Variants in RIMS3 observed in about 807,000 individuals in gnomAD.
RIMS3 encodes the protein regulating synaptic membrane exocytosis 3.
Under a neutral mutation model 29.2 loss-of-function variants are expected in RIMS3, and 15 were observed. The ratio of observed to expected loss-of-function variants is 0.51; its 90% CI spans 0.34 to 0.79. The LOEUF (loss-of-function observed/expected upper bound fraction) is 0.79, where lower values mean the gene tolerates loss of function less well. Among genes scored for constraint, RIMS3 ranks in the 30% least tolerant of loss-of-function variants. The probability of loss-of-function intolerance (pLI) is 0.01; values close to 1 mark genes in which losing one functional copy is unlikely to be tolerated. For synonymous variants in RIMS3, 161 were observed against 170.1 expected (o/e 0.95, Z 0.41); for missense variants, 342 against 421.4 (o/e 0.81, Z 1.65).
chr1:40,684,102 G>A, the RIMS3 span, among the ~76,000 whole-genome samples: 26 of 152,330 alleles, frequency 1.7e-4, no homozygotes, highest in African/African-American at 6.3e-4. Context: ...TTGAGCCTAA[G>A]AATCTAGTCA....
chr1:40,670,652 G>C (rs1403091115), upstream of RIMS3, among the ~76,000 whole-genome samples: 1 of 140,008 alleles, frequency 7.1e-6, no homozygotes, highest in African/African-American at 2.7e-5. Flanking sequence ...GCAGTGGCGT[G>C]ATCTCTGCTC....
chr1:40,689,373 C>A, the RIMS3 span, among the ~76,000 whole-genome samples: 15 of 152,228 alleles, frequency 9.9e-5, no homozygotes, highest in African/African-American at 3.6e-4. Context: ...CCTCCAACTC[C>A]CTGGTTAAAG....
intron 3 of RIMS3, among the ~76,000 whole-genome samples, chr1:40,638,853 G>A (rs1398934971): frequency 6.6e-6 from 1 of 152,202 alleles, no homozygotes; most frequent in Admixed American, 6.5e-5. Flanking sequence ...GGAAACTGAG[G>A]CCCAGCGGAA....
intron 2 of RIMS3, among the ~76,000 whole-genome samples, chr1:40,643,281 G>A (rs1330826791): frequency 1.3e-5 from 2 of 151,864 alleles, no homozygotes; most frequent in Non-Finnish European, 2.9e-5. Context: ...ACAGGCGCCC[G>A]CCACCAAGCC....
rs1646433365 is a variant in RIMS3 at position 40,623,225 on chromosome 1, T to C, written c.*3292A>G. 2.5e-6 allele frequency: 1 copy of C among 394,306 alleles called. No homozygotes were observed. Among genetic ancestry groups the C allele is most frequent in the Non-Finnish European group, 4.5e-6 (1 of 223,954 alleles). The allele number at this position is 394,306 out of a possible 1,614,324, so 24.4% of individuals were successfully genotyped here. A position where few individuals can be genotyped will look rare whatever the true frequency, so the allele number is the denominator to read the frequency against. On this transcript the variant is annotated 3_prime_UTR_variant, in exon 8 of 8. Coordinates refer to ENST00000372684, the MANE Select transcript of RIMS3 (RefSeq NM_014747.3). ...CCTAAGTGCTCCTTTCCTAGTAGAATTGGGTGGTAGAAGAAACCAGATGGG... is the reference window on the plus strand; with the variant it reads ...CCTAAGTGCTCCTTTCCTAGTAGAACTGGGTGGTAGAAGAAACCAGATGGG...
intron 1 of RIMS3, among the ~76,000 whole-genome samples, chr1:40,659,180 G>A (rs962352457): frequency 2.6e-5 from 4 of 152,128 alleles, no homozygotes; most frequent in Admixed American, 2.0e-4. Flanking sequence ...GTAGGGGTGG[G>A]GAGGCATTAC....
the RIMS3 span, among the ~76,000 whole-genome samples, chr1:40,687,218 T>C: frequency 6.6e-6 from 1 of 152,186 alleles, no homozygotes. Flanking sequence ...GTTTAACGTA[T>C]ACAGAATTTC....
At chr1:40,629,221 C>A in intron 6 of RIMS3, 50 bp downstream of exon 6, 1 of 1,487,920 alleles carries the variant, frequency 6.7e-7, no homozygotes, top group Non-Finnish European at 9.4e-7. Context: ...AGACCCAGAG[C>A]TCGGCTCTAT....
chr1:40,641,558 C>T, intron 3 of RIMS3, 151 bp downstream of exon 3: 1 of 703,412 alleles, frequency 1.4e-6, no homozygotes, highest in Non-Finnish European at 2.4e-6. Flanking sequence ...CATACACCTA[C>T]TGGACCTAGA....
chr1:40,626,444 T>C lies in RIMS3; in HGVS notation c.*73A>G. The stretch of plus-strand genomic sequence containing the variant: ...AAGGGGTCCAGAAAGACACGAAGAC[T>C]ATGTACAGGGGAGGACATGGGGCCA... On this transcript the variant is annotated 3_prime_UTR_variant, in exon 8 of 8. Coordinates refer to ENST00000372684, the MANE Select transcript of RIMS3 (RefSeq NM_014747.3). 2 of 1,341,818 alleles carry C rather than the reference T, an allele frequency of 1.5e-6. No homozygotes were observed. Among genetic ancestry groups the C allele is most frequent in the Middle Eastern group, 2.3e-4 (1 of 4,368 alleles). The allele number at this position is 1,341,818 out of a possible 1,614,324, so 83.1% of individuals were successfully genotyped here.
intron 1 of RIMS3, among the ~76,000 whole-genome samples, chr1:40,650,983 C>A (rs768040999): frequency 3.3e-5 from 5 of 151,914 alleles, no homozygotes; most frequent in Non-Finnish European, 7.4e-5. Context: ...GTCTGTCCTG[C>A]CACCTTTGCC....
At position 40,641,751 on chromosome 1, in the gene RIMS3, G is replaced by C; in HGVS notation, c.175C>G (p.Leu59Val). ...AGTGTGCTCTTGCTCCACTGAGTCA[G>C]GCCCACGATGGCCACCATCTTGGCA... Reference protein sequence around the residue: ...LGAKMVAIVGLTQWSKSTLQL... With the variant: ...LGAKMVAIVGVTQWSKSTLQL... The change falls in exon 3 of 8, where the codon CTG (leucine) becomes GTG (valine). Residue 59 changes from leucine (L) to valine (V), a missense_variant. Transcript: ENST00000372684. The C allele has an allele frequency of 6.2e-7, 1 of 1,613,968 alleles. No homozygotes were observed. The highest frequency in any genetic ancestry group is 8.5e-7 in the Non-Finnish European group (1 of 1,179,852).
chr1:40,629,447 C>T (rs2148343977), intron 5 of RIMS3, 75 bp from the exon 6 acceptor site: 6 of 1,210,768 alleles, frequency 5.0e-6, no homozygotes, highest in Non-Finnish European at 4.9e-6. Context: ...TACTGAATGC[C>T]AGCCTGTGGA....
upstream of RIMS3, among the ~76,000 whole-genome samples, chr1:40,670,674 C>T (rs528316284): frequency 4.9e-3 from 703 of 144,156 alleles, 5 homozygotes; most frequent in African/African-American, 0.017. Flanking sequence ...CTGCAATCTC[C>T]GCCTCCCAGG....
At chr1:40,640,486 TG>T (rs1483255697) in intron 3 of RIMS3, among the ~76,000 whole-genome samples, 3 of 152,032 alleles carry the variant, frequency 2.0e-5, no homozygotes, top group Non-Finnish European at 4.4e-5. Flanking sequence ...CAGCCCCAAC[TG>T]GGAGCCTTGA....
intron 1 of RIMS3, among the ~76,000 whole-genome samples, chr1:40,658,596 A>C (rs1463911720): frequency 6.6e-6 from 1 of 152,192 alleles, no homozygotes; most frequent in African/African-American, 2.4e-5. Flanking sequence ...AGCCAATCAG[A>C]TCCTCTCCTG....
the RIMS3 span, among the ~76,000 whole-genome samples, chr1:40,686,256 C>T: frequency 6.6e-6 from 1 of 152,124 alleles, no homozygotes; most frequent in African/African-American, 2.4e-5. Flanking sequence ...ACTTGTAATT[C>T]GAACTCTATA....
Position 40,641,766 on chromosome 1 carries a change from C to T in RIMS3, c.160G>A (p.Val54Met), listed in dbSNP as rs1646559034. Residue 54 changes from valine (V) to methionine (M), a missense_variant, in exon 3 of 8, where the codon GTG becomes ATG. Transcript: ENST00000372684. The part of the protein sequence containing the change: ...KRRSSLGAKM[V>M]AIVGLTQWSK... ...CACTGAGTCAGGCCCACGATGGCCA[C>T]CATCTTGGCACCCAGGCTGCTCCGC... 2 of 1,613,874 alleles carry T rather than the reference C, an allele frequency of 1.2e-6. No homozygotes were observed. The highest frequency in any genetic ancestry group is 2.7e-5 in the African/African-American group (2 of 75,044).
chr1:40,629,013 C>T (rs1646471583), intron 6 of RIMS3, 64 bp from the exon 7 acceptor site: 6 of 1,591,982 alleles, frequency 3.8e-6, no homozygotes, highest in Non-Finnish European at 5.2e-6. Context: ...CCTGCCCATC[C>T]CCTAACTGCC....
Sources: allele counts gnomAD v4.1 joint callset (sites outside exome capture counted in the v4.1 genomes callset), GRCh38; gene constraint gnomAD v4.1.1; transcripts MANE v1.5; gene names NCBI Gene and HGNC (gene_info 2026-07-23, HGNC 2026-07-21).